The following LDB2 variants were observed in gnomAD, a reference collection of about 807,000 sequenced individuals.
LDB2 encodes LIM domain binding 2.
Under a neutral mutation model 44.3 loss-of-function variants are expected in LDB2, and 12 were observed. The observed-to-expected ratio is 0.27, with a 90% CI of 0.17 to 0.44. LDB2 has a LOEUF of 0.44. LDB2 is among the 20% of genes least tolerant of loss of function. LDB2 has a pLI of 1.00. For missense variants in LDB2, 344 were observed against 473.5 expected (o/e 0.73, Z 2.54); for synonymous variants, 164 against 174.8 (o/e 0.94, Z 0.49).
At chr4:16,575,277 G>T (rs925354084) in intron 5 of LDB2, among the ~76,000 whole-genome samples, 9 of 152,112 alleles carry the variant, frequency 5.9e-5, no homozygotes, top group African/African-American at 2.4e-5. Flanking sequence ...TGGATAAAGA[G>T]GAAGAGAACA....
intron 5 of LDB2, among the ~76,000 whole-genome samples, chr4:16,550,654 C>T (rs1737345074): frequency 6.6e-6 from 1 of 152,166 alleles, no homozygotes; most frequent in Non-Finnish European, 1.5e-5. Flanking sequence ...ATGATGAGGA[C>T]CCACATGTGC....
intron 1 of LDB2, among the ~76,000 whole-genome samples, chr4:16,767,245 T>A (rs1769545126): frequency 6.6e-6 from 1 of 152,084 alleles, no homozygotes; most frequent in Non-Finnish European, 1.5e-5. Context: ...TATCTAGAAG[T>A]CCAAAAAAGA....
At chr4:16,595,581 G>T (rs1413777968) in intron 3 of LDB2, 122 bp downstream of exon 3, 2 of 773,014 alleles carry the variant, frequency 2.6e-6, no homozygotes, top group South Asian at 2.0e-5. Context: ...ATTCTCTCAT[G>T]GTGTTGAAAG....
intron 1 of LDB2, among the ~76,000 whole-genome samples, chr4:16,862,900 C>A (rs1295902654): frequency 6.6e-6 from 1 of 152,084 alleles, no homozygotes. Flanking sequence ...TGCCAAGCCC[C>A]TCAGAGATTG....
intron 1 of LDB2, among the ~76,000 whole-genome samples, chr4:16,769,714 T>C (rs903883677): frequency 2.0e-5 from 3 of 152,168 alleles, no homozygotes; most frequent in Non-Finnish European, 4.4e-5. Context: ...TATTTAACTG[T>C]AAGCATTAGT....
In LDB2 at chr4:16,533,417, A is replaced by G. The variant is rs1730774705; in HGVS notation, c.616-21313T>C. On this transcript the variant is annotated intron_variant, in intron 5 of 7. Transcript: ENST00000304523. This position sits in a 1 kb window ranked among gnomAD's most constrained non-coding sequence, Gnocchi z 4.1. ...CAAAATCACATCTGCAAGTATCTACACATACAAGAAATCGCAAACTTCAGA... is the reference window on the plus strand; with the variant it reads ...CAAAATCACATCTGCAAGTATCTACGCATACAAGAAATCGCAAACTTCAGA... 6.6e-6 allele frequency among the ~76,000 whole-genome samples: 1 copy of G among 152,268 alleles called. No homozygotes were observed. Among genetic ancestry groups the G allele is most frequent in the Non-Finnish European group, 1.5e-5 (1 of 68,054 alleles).
intron 1 of LDB2, among the ~76,000 whole-genome samples, chr4:16,859,430 A>G (rs1711723184): frequency 6.6e-6 from 1 of 152,232 alleles, no homozygotes; most frequent in Non-Finnish European, 1.5e-5. Context: ...AAGCCATAAC[A>G]GTATGGCAAT....
At chr4:16,738,646 T>C in intron 2 of LDB2, among the ~76,000 whole-genome samples, 1 of 152,224 alleles carries the variant, frequency 6.6e-6, no homozygotes, top group East Asian at 1.9e-4. Flanking sequence ...TGAAGACTCT[T>C]AAGGCTACCA....
intron 1 of LDB2, among the ~76,000 whole-genome samples, chr4:16,778,163 A>T (rs1171712931): frequency 6.6e-6 from 1 of 152,176 alleles, no homozygotes; most frequent in South Asian, 2.1e-4. Flanking sequence ...TTCTCCATGC[A>T]TGAATGCTTT....
intron 2 of LDB2, among the ~76,000 whole-genome samples, chr4:16,621,187 G>A (rs1226967175): frequency 6.6e-6 from 1 of 152,192 alleles, no homozygotes; most frequent in Non-Finnish European, 1.5e-5. Context: ...TATCTCTGAG[G>A]TCATGGCAAC....
At chr4:16,526,291 G>A (rs1356705207) in intron 5 of LDB2, among the ~76,000 whole-genome samples, 1 of 152,188 alleles carries the variant, frequency 6.6e-6, no homozygotes, top group Non-Finnish European at 1.5e-5. Context: ...TTGGACATCA[G>A]AACTTCAGGT....
chr4:16,514,204 A>G (rs1487819854), intron 5 of LDB2, among the ~76,000 whole-genome samples: 1 of 152,216 alleles, frequency 6.6e-6, no homozygotes, highest in Non-Finnish European at 1.5e-5. Flanking sequence ...TTGGGTCTTC[A>G]TTCTCAAGGC....
At position 16,611,539 on chromosome 4, in the gene LDB2, G is replaced by GAA. The variant is rs35701667; in HGVS notation, c.236-15666_236-15665dup. On this transcript the variant is annotated intron_variant, in intron 2 of 7. Transcript: ENST00000304523. Reference sequence around the variant, plus strand: ...GGAAACTTTACCAAGCAAATGGAAAGAAAAAAAAAAAGCAGGGATTGCAAT... The same window carrying GAA: ...GGAAACTTTACCAAGCAAATGGAAAGAAAAAAAAAAAAAGCAGGGATTGCAAT... Among the ~76,000 whole-genome samples, 266 of 145,898 alleles carry GAA rather than the reference G, an allele frequency of 1.8e-3. 2 individuals are homozygous for GAA. The highest frequency in any genetic ancestry group is 7.1e-3 in the South Asian group (33 of 4,642).
chr4:16,548,525 C>G (rs1185587521), intron 5 of LDB2, among the ~76,000 whole-genome samples: 2 of 152,172 alleles, frequency 1.3e-5, no homozygotes, highest in African/African-American at 4.8e-5. Context: ...ATTGTCAGCT[C>G]TTCCAAAGCA....
At chr4:16,866,330 A>G (rs1714690597) in intron 1 of LDB2, among the ~76,000 whole-genome samples, 1 of 152,240 alleles carries the variant, frequency 6.6e-6, no homozygotes, top group South Asian at 2.1e-4. Context: ...ATGGAAAAAT[A>G]AGTAATAGTT....
intron 1 of LDB2, among the ~76,000 whole-genome samples, chr4:16,859,358 G>A (rs979588833): frequency 6.6e-6 from 1 of 152,192 alleles, no homozygotes; most frequent in Non-Finnish European, 1.5e-5. Context: ...GGTATGCCCT[G>A]GTGTTTCAAT....
intron 1 of LDB2, among the ~76,000 whole-genome samples, chr4:16,826,116 C>T (rs1391157903): frequency 6.8e-6 from 1 of 146,854 alleles, no homozygotes; most frequent in African/African-American, 2.4e-5. Flanking sequence ...ATTAATCTAT[C>T]TAATATGTAG....
intron 2 of LDB2, among the ~76,000 whole-genome samples, chr4:16,749,588 AAATAT>A (rs1765093351): frequency 6.9e-6 from 1 of 145,584 alleles, no homozygotes; most frequent in African/African-American, 2.5e-5. Flanking sequence ...AAATAAAAAA[AAATAT>A]ATATATATAT....
At chr4:16,793,274 C>A (rs1579718005) in intron 1 of LDB2, among the ~76,000 whole-genome samples, 1 of 152,084 alleles carries the variant, frequency 6.6e-6, no homozygotes, top group African/African-American at 2.4e-5. Context: ...CAGCTCCTGA[C>A]CCCCAGGGAG....
Sources: gnomAD v4.1 joint callset for allele counts (sites outside exome capture counted in the v4.1 genomes callset) on GRCh38, gnomAD v4.1.1 for gene constraint, Gnocchi (gnomAD v3.1) non-coding constraint, MANE v1.5 for transcripts, NCBI Gene and HGNC (gene_info 2026-07-23, HGNC 2026-07-21) for gene names.